Variants in CDH15 observed in about 807,000 individuals in gnomAD.
The protein encoded by CDH15 is cadherin-15.
Under a neutral mutation model 69.4 loss-of-function variants are expected in CDH15, and 73 were observed. The ratio of observed to expected loss-of-function variants is 1.05; its 90% CI spans 0.87 to 1.28. CDH15 has a LOEUF of 1.28. CDH15 is among the 50% of genes most tolerant of loss of function. The pLI is 0.00. For missense variants in CDH15, 1,343 were observed against 1,133.6 expected (o/e 1.18, Z -2.65); for synonymous variants, 624 against 507.7 (o/e 1.23, Z -3.08).
At chr16:89,190,907 G>A (rs929342796) in intron 8 of CDH15, among the ~76,000 whole-genome samples, 2 of 152,132 alleles carry the variant, frequency 1.3e-5, no homozygotes, top group Non-Finnish European at 2.9e-5. Flanking sequence ...TGGACAGCTC[G>A]CCTGCCCTCC....
chr16:89,183,546 A>G lies in CDH15; in HGVS notation c.358-2A>G, dbSNP rs1205942539. On this transcript the variant is annotated splice_acceptor_variant, in intron 3 of 13. Coordinates refer to ENST00000289746, the MANE Select transcript of CDH15 (RefSeq NM_004933.3). LOFTEE classifies it high-confidence loss of function. ...GCCAGCCCTTGCTCTATGTTTGAAC[A>G]GCTAAGAGCGTTTGCCCTGGACCTG... 1.9e-6 allele frequency: 3 copies of G among 1,614,138 alleles called. No individual in the cohort carries two copies. The South Asian group carries it at 3.3e-5, about 18-fold the overall frequency.
chr16:89,191,288 TG>T (rs1915634023), intron 8 of CDH15, 41 bp from the exon 9 acceptor site: 1 of 1,611,734 alleles, frequency 6.2e-7, no homozygotes, highest in Non-Finnish European at 8.5e-7. Flanking sequence ...TGTGGGGCCC[TG>T]GGGTAAACTC....
In CDH15 at chr16:89,187,571, C is replaced by G. The variant is rs1385998026; in HGVS notation, c.792+14C>G. On this transcript the variant is annotated intron_variant, in intron 6 of 13. Transcript: ENST00000289746. ...ACCAGGGATGAGGTGCTGCTGCTGT[C>G]CCTCCCTCGAAAGTAGCCCCTGCTT... is the stretch of plus-strand genomic sequence containing the variant. 2 of 1,613,120 alleles carry G rather than the reference C, an allele frequency of 1.2e-6. 1 individual carries two copies. Among genetic ancestry groups the G allele is most frequent in the Admixed American group, 3.3e-5 (2 of 60,002 alleles).
intron 13 of CDH15, 23 bp from the exon 14 acceptor site, chr16:89,194,839 G>T: frequency 6.3e-7 from 1 of 1,588,368 alleles, no homozygotes; most frequent in South Asian, 1.1e-5. Flanking sequence ...CATGTGTCTT[G>T]AGCTCTCCGG....
At chr16:89,174,381 G>A (rs1452280171) in intron 1 of CDH15, among the ~76,000 whole-genome samples, 3 of 152,184 alleles carry the variant, frequency 2.0e-5, no homozygotes, top group South Asian at 2.1e-4. Flanking sequence ...CACCAAGCGT[G>A]TTCCTAGAAT....
In CDH15 at chr16:89,193,948, G is replaced by C. The variant is rs1247084970; in HGVS notation, c.2151+35G>C. On this transcript the variant is annotated intron_variant, in intron 13 of 13. Transcript: ENST00000289746. Reference sequence around the variant, plus strand: ...CCTGGGGACACCCCAGTACACACAGGCACGCACAGGTGCACACACACATGC... The same window carrying C: ...CCTGGGGACACCCCAGTACACACAGCCACGCACAGGTGCACACACACATGC... 1.9e-6 allele frequency: 3 copies of C among 1,606,244 alleles called. No individual in the cohort carries two copies. The African/African-American group carries it at 4.0e-5, about 21-fold the overall frequency.
chr16:89,193,168 C>T (rs1442639930), intron 11 of CDH15, among the ~76,000 whole-genome samples: 1 of 100,156 alleles, frequency 1.0e-5, no homozygotes, highest in Non-Finnish European at 2.1e-5. Flanking sequence ...ACCCAACCCG[C>T]CCCCTGCTCG....
intron 1 of CDH15, among the ~76,000 whole-genome samples, chr16:89,177,544 CAGCT>C (rs950839062): frequency 6.6e-6 from 1 of 152,082 alleles, no homozygotes; most frequent in African/African-American, 2.4e-5. Context: ...GAGGCACAGA[CAGCT>C]CCTAGCCAGG....
intron 1 of CDH15, among the ~76,000 whole-genome samples, chr16:89,177,627 A>G (rs1915286869): frequency 6.6e-6 from 1 of 151,832 alleles, no homozygotes; most frequent in Non-Finnish European, 1.5e-5. Flanking sequence ...CTCCTCCCTC[A>G]TCTCCCTCTC....
chr16:89,193,641 A>C (rs1915711906), intron 12 of CDH15, 35 bp downstream of exon 12: 1 of 1,571,960 alleles, frequency 6.4e-7, no homozygotes, highest in African/African-American at 1.3e-5. Context: ...AGGGGTCCCC[A>C]AGGAACCCAG....
In CDH15 at chr16:89,195,157, C is replaced by T. The variant is rs1379978854; in HGVS notation, c.*2C>T. 3 of 1,580,446 alleles carry T rather than the reference C, an allele frequency of 1.9e-6. No individual in the cohort carries two copies. The highest frequency in any genetic ancestry group is 3.4e-5 in the Admixed American group (2 of 58,874). On this transcript the variant is annotated 3_prime_UTR_variant, in exon 14 of 14. Coordinates refer to ENST00000289746, the MANE Select transcript of CDH15 (RefSeq NM_004933.3). ...AGACACAGAGGCCGGACAGCCTGAC[C>T]CTGGGGCGCAACTGGACATGCCACT...
intron 13 of CDH15, 69 bp downstream of exon 13, chr16:89,193,982 ACACC>A: frequency 1.3e-6 from 2 of 1,524,146 alleles, no homozygotes; most frequent in Non-Finnish European, 9.0e-7. Flanking sequence ...GCACATGTAC[ACACC>A]TGCACATGCA....
intron 1 of CDH15, among the ~76,000 whole-genome samples, chr16:89,179,168 A>T (rs755045903): frequency 1.4e-4 from 21 of 152,144 alleles, no homozygotes; most frequent in African/African-American, 5.1e-4. Flanking sequence ...GGGGGCTTTG[A>T]GGGCCAGTAC....
Position 89,194,981 on chromosome 16 carries a change from C to G in CDH15, c.2271C>G (p.Gly757=), listed in dbSNP as rs149675124. The G allele has an allele frequency of 6.8e-6, 11 of 1,611,162 alleles. No individual in the cohort carries two copies. Among genetic ancestry groups the G allele is most frequent in the East Asian group, 2.2e-5 (1 of 44,848 alleles). ...GTLSSILSSQ[G]DEDQDYDYLR... is the part of the protein sequence containing the mutation. Reference sequence around the variant, plus strand: ...TGAGCTCCATCCTGTCCAGCCAGGGCGATGAGGACCAGGACTACGACTACC... The same window carrying G: ...TGAGCTCCATCCTGTCCAGCCAGGGGGATGAGGACCAGGACTACGACTACC... The change falls in exon 14 of 14, where the codon GGC becomes GGG. Residue 757 remains glycine, a synonymous_variant. Coordinates refer to ENST00000289746, the MANE Select transcript of CDH15 (RefSeq NM_004933.3).
intron 5 of CDH15, chr16:89,185,834 C>A: frequency 4.1e-6 from 1 of 246,202 alleles, no homozygotes. Context: ...GCTAGGTGCC[C>A]AGCACAGAGT....
rs989673220 is a variant in CDH15 at position 89,186,236 on chromosome 16, G to A, written c.663+903G>A. 10 of 86,132 alleles carry A rather than the reference G, an allele frequency of 1.2e-4. 2 individuals are homozygous for A. Among genetic ancestry groups the A allele is most frequent in the Non-Finnish European group, 2.5e-4 (10 of 40,582 alleles). 5.3% of individuals were successfully genotyped at this position (86,132 alleles called of 1,614,324 possible). On this transcript the variant is annotated intron_variant, in intron 5 of 13. Coordinates refer to ENST00000289746, the MANE Select transcript of CDH15 (RefSeq NM_004933.3). ...ACACCCAGCGCACAGTAGGTGCTCT[G>A]TAAACGCTCACCCAGTGCACAGTAG...
chr16:89,190,187 C>A, intron 7 of CDH15, 56 bp from the exon 8 acceptor site: 2 of 1,590,810 alleles, frequency 1.3e-6, no homozygotes, highest in South Asian at 1.1e-5. Context: ...TGGCACCTGC[C>A]CTCGGGTGCC....
rs373216025 is a variant in CDH15 at position 89,179,484 on chromosome 16, G to A, written c.111G>A (p.Ala37=). The change falls in exon 2 of 14, where the codon GCG becomes GCA. Residue 37 remains alanine (A), a synonymous_variant. Coordinates refer to ENST00000289746, the MANE Select transcript of CDH15 (RefSeq NM_004933.3). ...RPTTLYPWRR[A]PALSRVRRAW... ...CCACCCTGTACCCCTGGCGCCGGGC[G>A]CCTGCCCTGAGCCGCGTGCGGAGGG... is the stretch of plus-strand genomic sequence containing the variant. 1,258 of 1,613,368 alleles carry A rather than the reference G, an allele frequency of 7.8e-4. 2 individuals carry two copies. Among genetic ancestry groups the A allele is most frequent in the Non-Finnish European group, 1.0e-3 (1,180 of 1,179,880 alleles).
intron 8 of CDH15, 54 bp downstream of exon 8, chr16:89,190,550 G>C: frequency 1.9e-6 from 3 of 1,552,102 alleles, no homozygotes; most frequent in Non-Finnish European, 2.6e-6. Flanking sequence ...CCCCATTCCT[G>C]CTTCGGGTGC....
Sources: allele counts gnomAD v4.1 joint callset (sites outside exome capture counted in the v4.1 genomes callset), GRCh38; gene constraint gnomAD v4.1.1; transcripts MANE v1.5; gene names NCBI Gene and HGNC (gene_info 2026-07-23, HGNC 2026-07-21).